The following PDE4D variants were observed in gnomAD, a reference collection of about 807,000 sequenced individuals.
The protein encoded by PDE4D is 3',5'-cyclic-AMP phosphodiesterase 4D.
In PDE4D, 24 loss-of-function variants were observed where a neutral mutation model predicts 87.4. The observed-to-expected ratio is 0.27, with a 90% confidence interval of 0.20 to 0.39. The LOEUF (loss-of-function observed/expected upper bound fraction) is 0.39. Ranked by LOEUF, PDE4D falls within the 10% of genes least tolerant of loss-of-function variation. PDE4D has a pLI of 1.00. For synonymous variants in PDE4D, 384 were observed against 383.2 expected (o/e 1.00, Z -0.02); for missense variants, 714 against 1,041.0 (o/e 0.69, Z 4.32).
chr5:59,030,422 C>CAAAAAAAAAAAAAAAAAAAAA (rs373275661), intron 6 of PDE4D, among the ~76,000 whole-genome samples: 1 of 58,300 alleles, frequency 1.7e-5, no homozygotes, highest in Non-Finnish European at 3.1e-5. Context: ...AACAGAGATA[C>CAAAAAAAAAAAAAAAAAAAAA]AAAAAAAAAA....
chr5:59,931,908 A>G lies in PDE4D; in HGVS notation c.272+56580T>C, dbSNP rs571299517. 4.1e-3 allele frequency among the ~76,000 whole-genome samples: 625 copies of G among 152,100 alleles called. 7 individuals are homozygous for G. The highest frequency in any genetic ancestry group is 0.014 in the African/African-American group (583 of 41,506). On this transcript the variant is annotated intron_variant, in intron 3 of 16. Coordinates refer to the PDE4D transcript ENST00000502484. ...AGCAGAGATGGGGTTTCACCGTGTT[A>G]GCCAGGATGGTCTTGATCTCCTGAC...
intron 1 of PDE4D, among the ~76,000 whole-genome samples, chr5:60,260,253 G>C (rs1049176471): frequency 6.6e-6 from 1 of 151,900 alleles, no homozygotes; most frequent in Non-Finnish European, 1.5e-5. Flanking sequence ...AGGCTCAGAG[G>C]CCTCTGAGCT....
At chr5:59,685,715 A>C (rs1298226282) in intron 1 of PDE4D, among the ~76,000 whole-genome samples, 1 of 149,930 alleles carries the variant, frequency 6.7e-6, no homozygotes, top group Non-Finnish European at 1.5e-5. Flanking sequence ...ATCTAATTAA[A>C]AATAACAGAT....
At chr5:59,136,663 G>A (rs929230152) in intron 5 of PDE4D, among the ~76,000 whole-genome samples, 5 of 151,996 alleles carry the variant, frequency 3.3e-5, no homozygotes, top group East Asian at 1.9e-4. Context: ...ATACTCTCTT[G>A]GAGGATATGC....
intron 1 of PDE4D, among the ~76,000 whole-genome samples, chr5:59,793,600 T>C (rs1426544453): frequency 6.6e-6 from 1 of 152,194 alleles, no homozygotes; most frequent in East Asian, 1.9e-4. Flanking sequence ...TTTTAAAGGA[T>C]GAAGATTCAT....
At chr5:59,044,433 CCT>C (rs1760272700) in intron 5 of PDE4D, among the ~76,000 whole-genome samples, 1 of 152,192 alleles carries the variant, frequency 6.6e-6, no homozygotes, top group African/African-American at 2.4e-5. Context: ...CAAAATTTCC[CCT>C]TTGTTCTACG....
At chr5:60,110,366 G>C (rs1307760885) in intron 2 of PDE4D, among the ~76,000 whole-genome samples, 2 of 152,028 alleles carry the variant, frequency 1.3e-5, no homozygotes, top group Non-Finnish European at 2.9e-5. Flanking sequence ...CAAAATATCT[G>C]AATAGACACT....
intron 1 of PDE4D, among the ~76,000 whole-genome samples, chr5:59,546,211 G>GA (rs1249946915): frequency 1.3e-5 from 2 of 151,890 alleles, no homozygotes; most frequent in African/African-American, 4.8e-5. Context: ...TTTAAAATCT[G>GA]AAAAAATGAG....
intron 1 of PDE4D, among the ~76,000 whole-genome samples, chr5:59,577,033 T>C (rs1033795967): frequency 3.3e-5 from 5 of 152,088 alleles, no homozygotes; most frequent in African/African-American, 9.7e-5. Context: ...ACGCCAATTA[T>C]TTGTTTTAAA....
At chr5:59,494,831 C>T (rs572986647) in intron 1 of PDE4D, among the ~76,000 whole-genome samples, 13 of 152,240 alleles carry the variant, frequency 8.5e-5, no homozygotes, top group Admixed American at 5.2e-4. Flanking sequence ...GTGATTGGTG[C>T]GGACTACAAG....
At chr5:60,256,111 T>C (rs1380435302) in intron 1 of PDE4D, among the ~76,000 whole-genome samples, 2 of 151,920 alleles carry the variant, frequency 1.3e-5, no homozygotes, top group African/African-American at 4.8e-5. Flanking sequence ...CTAAGCCTTA[T>C]ATGGACTCTC....
upstream of PDE4D, among the ~76,000 whole-genome samples, chr5:60,491,829 T>A (rs543565636): frequency 1.3e-5 from 2 of 152,326 alleles, no homozygotes; most frequent in Admixed American, 1.3e-4. Context: ...TGTTAGACCC[T>A]GAGCAAGCTA....
chr5:59,930,686 A>T (rs6450536), intron 3 of PDE4D, among the ~76,000 whole-genome samples: 45,330 of 152,118 alleles, frequency 0.3, 11,628 homozygotes, highest in African/African-American at 0.7. Flanking sequence ...TGTCTGTGCT[A>T]AGAAAGGGGA....
intron 1 of PDE4D, chr5:59,430,296 T>C: frequency 1.6e-6 from 2 of 1,231,170 alleles, no homozygotes; most frequent in Non-Finnish European, 2.0e-6. Flanking sequence ...GCAGTTACCG[T>C]CTCCTCTGTG....
At chr5:59,893,124 G>A in intron 1 of PDE4D, 44 bp downstream of exon 1, 2 of 1,507,210 alleles carry the variant, frequency 1.3e-6, no homozygotes, top group Non-Finnish European at 1.8e-6. Context: ...GAAAAGGGGA[G>A]GTGACCCTTT....
intron 1 of PDE4D, among the ~76,000 whole-genome samples, chr5:59,619,245 A>AG (rs1830070580): frequency 6.6e-6 from 1 of 152,140 alleles, no homozygotes; most frequent in African/African-American, 2.4e-5. Flanking sequence ...GAGGTGGTAG[A>AG]GCAGATTGGA....
chr5:59,151,604 G>T (rs756440817), intron 5 of PDE4D, among the ~76,000 whole-genome samples: 1 of 152,140 alleles, frequency 6.6e-6, no homozygotes, highest in Non-Finnish European at 1.5e-5. Flanking sequence ...AATCACTGAT[G>T]GTACTCCCTG....
intron 1 of PDE4D, among the ~76,000 whole-genome samples, chr5:59,456,187 C>G (rs1799898620): frequency 6.6e-6 from 1 of 152,036 alleles, no homozygotes; most frequent in South Asian, 2.1e-4. Flanking sequence ...TGGCTGTGTC[C>G]CCATCCAAAT....
intron 1 of PDE4D, among the ~76,000 whole-genome samples, chr5:60,258,296 G>T (rs1012896109): frequency 1.3e-5 from 2 of 151,584 alleles, no homozygotes; most frequent in African/African-American, 4.8e-5. Context: ...AATTCAATAA[G>T]AAAAATAAAT....
Sources: allele counts gnomAD v4.1 joint callset (sites outside exome capture counted in the v4.1 genomes callset), GRCh38; gene constraint gnomAD v4.1.1; transcripts MANE v1.5; gene names NCBI Gene and HGNC (gene_info 2026-07-23, HGNC 2026-07-21).